Variants in USH2A observed in about 807,000 individuals in gnomAD.
USH2A encodes the protein Usher syndrome 2A (autosomal recessive, mild).
Under a neutral mutation model 538.9 loss-of-function variants are expected in USH2A, and 443 were observed. The ratio of observed to expected loss-of-function variants is 0.82; its 90% CI spans 0.76 to 0.89. USH2A has a LOEUF of 0.89. USH2A is among the 40% of genes least tolerant of loss of function. The pLI is 0.00. For synonymous variants in USH2A, 2,413 were observed against 2,273.5 expected, an observed-to-expected ratio of 1.06 and a Z score of -1.75; for missense variants, 6,633 against 6,324.8, an observed-to-expected ratio of 1.05 and a Z score of -1.65.
intron 4 of USH2A, among the ~76,000 whole-genome samples, chr1:216,351,440 T>C (rs2038286596): frequency 6.6e-6 from 1 of 152,104 alleles, no homozygotes; most frequent in Non-Finnish European, 1.5e-5. Flanking sequence ...AAGGCAGAAG[T>C]GCACCTCCCA....
intron 20 of USH2A, among the ~76,000 whole-genome samples, chr1:216,189,063 GT>G: frequency 6.6e-6 from 1 of 151,936 alleles, no homozygotes; most frequent in Non-Finnish European, 1.5e-5. Context: ...GGAGAAGAGT[GT>G]TTTGTACAAG....
intron 3 of USH2A, among the ~76,000 whole-genome samples, chr1:216,411,270 T>A (rs373865047): frequency 6.6e-6 from 1 of 152,148 alleles, no homozygotes; most frequent in Non-Finnish European, 1.5e-5. Context: ...ATTTATGGAA[T>A]GTTCTTATCA....
intron 64 of USH2A, among the ~76,000 whole-genome samples, chr1:215,662,900 C>T (rs1477324862): frequency 6.6e-6 from 1 of 152,156 alleles, no homozygotes; most frequent in East Asian, 1.9e-4. Context: ...AATATGTTTT[C>T]TCTAAATGTG....
intron 38 of USH2A, among the ~76,000 whole-genome samples, chr1:215,923,331 G>A (rs371804240): frequency 1.0e-3 from 156 of 152,056 alleles, no homozygotes; most frequent in African/African-American, 3.3e-3. Flanking sequence ...ATCAAATGAC[G>A]TCACCAGAAT....
intron 4 of USH2A, among the ~76,000 whole-genome samples, chr1:216,348,853 G>T (rs948869089): frequency 6.6e-6 from 1 of 151,754 alleles, no homozygotes. Context: ...AGTGATCTCT[G>T]ACTACTATTC....
intron 61 of USH2A, among the ~76,000 whole-genome samples, chr1:215,725,290 G>A (rs1659777862): frequency 6.6e-6 from 1 of 152,220 alleles, no homozygotes; most frequent in Non-Finnish European, 1.5e-5. Context: ...TCACAGGCAT[G>A]AGCCACTGCG....
chr1:215,713,166 C>A (rs185355027), intron 61 of USH2A, among the ~76,000 whole-genome samples: 101 of 152,312 alleles, frequency 6.6e-4, no homozygotes, highest in Non-Finnish European at 1.2e-3. Context: ...AGGACCCTGT[C>A]AACACACTAT....
At chr1:216,046,024 T>G (rs2030505608) in intron 32 of USH2A, among the ~76,000 whole-genome samples, 1 of 150,906 alleles carries the variant, frequency 6.6e-6, no homozygotes, top group Non-Finnish European at 1.5e-5. Flanking sequence ...TGTGTGTGTG[T>G]GTGTGTGTGT....
At chr1:215,951,733 TG>T (rs1666920461) in intron 37 of USH2A, among the ~76,000 whole-genome samples, 1 of 152,250 alleles carries the variant, frequency 6.6e-6, no homozygotes, top group Admixed American at 6.5e-5. Context: ...TTAATCTGGG[TG>T]CTCCTGTATT....
At position 216,173,582 on chromosome 1, in the gene USH2A, T is replaced by A. The variant is rs141347574; in HGVS notation, c.4627+1670A>T. 4.4e-3 allele frequency among the ~76,000 whole-genome samples: 663 copies of A among 152,278 alleles called. 3 individuals are homozygous for A. Among genetic ancestry groups the A allele is most frequent in the African/African-American group, 0.015 (637 of 41,550 alleles). On this transcript the variant is annotated intron_variant, in intron 21 of 71. Transcript: ENST00000307340. ...GCCAGTGTTTACAGCCTAACTTTTT[T>A]AAAGAGGAATTTGGAAAACTTCCCA...
At chr1:216,083,194 A>G (rs984104353) in intron 26 of USH2A, among the ~76,000 whole-genome samples, 1 of 152,062 alleles carries the variant, frequency 6.6e-6, no homozygotes, top group Non-Finnish European at 1.5e-5. Context: ...TTAAGATACT[A>G]AATTGAATTT....
intron 4 of USH2A, among the ~76,000 whole-genome samples, chr1:216,356,888 G>T (rs571398675): frequency 6.6e-6 from 1 of 152,150 alleles, no homozygotes; most frequent in African/African-American, 2.4e-5. Flanking sequence ...AGTTTGCCAG[G>T]TTACCCCAAA....
At chr1:215,847,442 C>T (rs1471556613) in intron 44 of USH2A, among the ~76,000 whole-genome samples, 4 of 151,806 alleles carry the variant, frequency 2.6e-5, no homozygotes, top group African/African-American at 7.3e-5. Flanking sequence ...CTCAGGAGTT[C>T]GAGACCAGCC....
intron 61 of USH2A, among the ~76,000 whole-genome samples, chr1:215,694,237 C>G (rs1352643186): frequency 6.6e-6 from 1 of 152,166 alleles, no homozygotes; most frequent in Non-Finnish European, 1.5e-5. Flanking sequence ...TACCTACACA[C>G]TCTTTTCGAT....
At position 215,888,449 on chromosome 1, in the gene USH2A, C is replaced by G; in HGVS notation, c.8200G>C (p.Val2734Leu). ...PAGVQPPVVTVLEPDAVQVTW... is the reference protein window; with the variant it reads ...PAGVQPPVVTLLEPDAVQVTW... Reference sequence around the variant, plus strand: ...ACCTGGACTGCATCGGGTTCCAGCACTGTCACCACAGGTGGCTGCACCCCA... The same window carrying G: ...ACCTGGACTGCATCGGGTTCCAGCAGTGTCACCACAGGTGGCTGCACCCCA... Residue 2734 changes from valine (V) to leucine (L), a missense_variant, in exon 41 of 72, where the codon GTG (valine) becomes CTG (leucine). Coordinates refer to ENST00000307340, the MANE Select transcript of USH2A (RefSeq NM_206933.4). 6.2e-7 allele frequency: 1 copy of G among 1,613,536 alleles called. No individual in the cohort carries two copies. Among genetic ancestry groups the G allele is most frequent in the Non-Finnish European group, 8.5e-7 (1 of 1,180,014 alleles).
At chr1:215,944,609 C>A (rs1666714199) in intron 37 of USH2A, among the ~76,000 whole-genome samples, 1 of 152,116 alleles carries the variant, frequency 6.6e-6, no homozygotes, top group Non-Finnish European at 1.5e-5. Flanking sequence ...TCTAGACAGT[C>A]CCCTAATTCC....
chr1:215,735,875 C>T (rs1180070168), intron 60 of USH2A, among the ~76,000 whole-genome samples: 1 of 152,094 alleles, frequency 6.6e-6, no homozygotes, highest in Admixed American at 6.6e-5. Flanking sequence ...GACAACATAT[C>T]TAGGATAACT....
At chr1:216,159,178 A>G (rs1483796240) in intron 21 of USH2A, among the ~76,000 whole-genome samples, 1 of 152,102 alleles carries the variant, frequency 6.6e-6, no homozygotes, top group African/African-American at 2.4e-5. Context: ...CCTAATACTT[A>G]TTTATTTTAT....
intron 3 of USH2A, among the ~76,000 whole-genome samples, chr1:216,395,589 T>C (rs2039197180): frequency 6.6e-6 from 1 of 152,208 alleles, no homozygotes; most frequent in African/African-American, 2.4e-5. Context: ...AAAACAAAAA[T>C]GTTTAACTAC....
Sources: gnomAD v4.1 joint callset for allele counts (sites outside exome capture counted in the v4.1 genomes callset) on GRCh38, gnomAD v4.1.1 for gene constraint, MANE v1.5 for transcripts, NCBI Gene and HGNC (gene_info 2026-07-23, HGNC 2026-07-21) for gene names.